NEDD4L: variants seen among roughly 807,000 people sequenced by gnomAD.
NEDD4L encodes the protein NEDD4 like E3 ubiquitin protein ligase, also known as E3 ubiquitin-protein ligase NEDD4-like.
NEDD4L carries 54 observed loss-of-function variants against 148.9 expected under a neutral mutation model. That is an observed-to-expected ratio of 0.36 (90% CI 0.29 to 0.45). The LOEUF (loss-of-function observed/expected upper bound fraction) is 0.45, where lower values mean the gene tolerates loss of function less well. Among genes scored for constraint, NEDD4L ranks in the 20% least tolerant of loss-of-function variants. NEDD4L has a pLI of 1.00. For synonymous variants in NEDD4L, 433 were observed against 440.7 expected (o/e 0.98, Z 0.22); for missense variants, 856 against 1,233.8 (o/e 0.69, Z 4.59).
chr18:58,319,359 T>C (rs926239481), intron 6 of NEDD4L, among the ~76,000 whole-genome samples: 13 of 152,170 alleles, frequency 8.5e-5, no homozygotes, highest in Non-Finnish European at 2.9e-5. Context: ...AGTGGTTGCA[T>C]ACAAGTTTCG....
At chr18:58,386,803 G>A (rs777565455) in intron 26 of NEDD4L, among the ~76,000 whole-genome samples, 12 of 152,158 alleles carry the variant, frequency 7.9e-5, no homozygotes, top group Non-Finnish European at 1.5e-4. Context: ...GAAACAGCTC[G>A]GGGCCTTAGG....
At chr18:58,357,048 G>T (rs902198474) in intron 18 of NEDD4L, 146 bp from the exon 19 acceptor site, 1 of 701,176 alleles carries the variant, frequency 1.4e-6, no homozygotes, top group Non-Finnish European at 2.4e-6. Flanking sequence ...TGCTAACTCT[G>T]AAATACTAAT....
chr18:58,378,218 G>A (rs1457509981), intron 24 of NEDD4L, among the ~76,000 whole-genome samples: 3 of 152,182 alleles, frequency 2.0e-5, no homozygotes, highest in African/African-American at 7.2e-5. Context: ...CATTGAAGTG[G>A]TTAGTGGCCC....
Position 58,208,818 on chromosome 18 carries a change from C to A in NEDD4L, c.123-36609C>A, listed in dbSNP as rs1472780009. On this transcript the variant is annotated intron_variant, in intron 2 of 30. Transcript: ENST00000400345. The stretch of plus-strand genomic sequence containing the variant: ...TGTATATCAAGCTGTGCTGAAAATA[C>A]TCCTCAGATATATTAGGCCACATTT... Among the ~76,000 whole-genome samples the A allele has an allele frequency of 3.3e-5, 5 of 152,302 alleles. No individual in the cohort carries two copies. In the South Asian group the frequency reaches 8.3e-4, roughly 25 times the overall value.
At position 58,202,820 on chromosome 18, in the gene NEDD4L, CATT is replaced by C. The variant is rs781589884; in HGVS notation, c.122+36960_122+36962del. ...GCCCTAGCTTTATTTATTTTCTCAT[CATT>C]GTTGTTAAGGGCCTATTGTGCTTGC... On this transcript the variant is annotated intron_variant, in intron 2 of 30. Transcript: ENST00000400345. Among the ~76,000 whole-genome samples, 18 of 152,278 alleles carry C rather than the reference CATT, an allele frequency of 1.2e-4. No homozygotes were observed. The Middle Eastern group carries it at 0.01, about 86-fold the overall frequency.
chr18:58,111,588 C>T (rs1378115032), intron 1 of NEDD4L, among the ~76,000 whole-genome samples: 2 of 152,136 alleles, frequency 1.3e-5, no homozygotes, highest in African/African-American at 2.4e-5. Context: ...CCAGGGTCAT[C>T]AATGTTATAG....
chr18:58,316,124 C>T, intron 6 of NEDD4L, 92 bp downstream of exon 6: 1 of 1,064,558 alleles, frequency 9.4e-7, no homozygotes, highest in South Asian at 1.4e-5. Context: ...CATTTCTTCA[C>T]CACGGTGAAG....
chr18:58,192,250 T>G (rs1211800980), intron 2 of NEDD4L, among the ~76,000 whole-genome samples: 1 of 152,224 alleles, frequency 6.6e-6, no homozygotes, highest in Non-Finnish European at 1.5e-5. Context: ...ACCATTAAAC[T>G]GTGTGACAAG....
intron 1 of NEDD4L, among the ~76,000 whole-genome samples, chr18:58,160,176 G>A (rs754754594): frequency 3.3e-5 from 5 of 152,218 alleles, no homozygotes; most frequent in African/African-American, 9.6e-5. Context: ...TATAGACTTT[G>A]TGGGTGGCTA....
chr18:58,097,715 A>C (rs1001556178), intron 1 of NEDD4L, among the ~76,000 whole-genome samples: 5 of 152,152 alleles, frequency 3.3e-5, no homozygotes, highest in Non-Finnish European at 7.4e-5. Flanking sequence ...AGGGGACTTA[A>C]AGGAAACAGT....
chr18:58,328,602 T>C (rs765754915), intron 9 of NEDD4L, among the ~76,000 whole-genome samples: 14 of 152,194 alleles, frequency 9.2e-5, no homozygotes, highest in Non-Finnish European at 1.9e-4. Context: ...GCTGGACTTC[T>C]AGAAGGATTG....
intron 16 of NEDD4L, among the ~76,000 whole-genome samples, chr18:58,346,371 T>C (rs2043075650): frequency 6.6e-6 from 1 of 152,212 alleles, no homozygotes; most frequent in South Asian, 2.1e-4. Context: ...GCAAATATTT[T>C]GAAATTCAAA....
At chr18:58,164,288 G>A (rs982986040) in intron 1 of NEDD4L, among the ~76,000 whole-genome samples, 1 of 152,134 alleles carries the variant, frequency 6.6e-6, no homozygotes, top group African/African-American at 2.4e-5. Context: ...TTTCTCACCT[G>A]TGATTGATCA....
intron 24 of NEDD4L, among the ~76,000 whole-genome samples, chr18:58,378,800 T>C (rs145313603): frequency 5.8e-4 from 88 of 152,286 alleles, no homozygotes; most frequent in African/African-American, 2.0e-3. Flanking sequence ...GCATATTCCA[T>C]ATGAGCCAAG....
At chr18:58,331,834 T>C (rs1438278688) in intron 11 of NEDD4L, among the ~76,000 whole-genome samples, 1 of 152,192 alleles carries the variant, frequency 6.6e-6, no homozygotes, top group Admixed American at 6.5e-5. Context: ...ACTCACAAAA[T>C]TGTTACTTTT....
At chr18:58,292,296 C>T (rs900881876) in intron 5 of NEDD4L, among the ~76,000 whole-genome samples, 3 of 152,134 alleles carry the variant, frequency 2.0e-5, no homozygotes, top group African/African-American at 7.2e-5. Flanking sequence ...CTGTGGCTTC[C>T]CCTTTCCCTC....
chr18:58,061,269 T>G (rs1307623865), intron 1 of NEDD4L, among the ~76,000 whole-genome samples: 2 of 152,218 alleles, frequency 1.3e-5, no homozygotes, highest in South Asian at 2.1e-4. Context: ...GCCAGTCATG[T>G]TAGATCATAA....
intron 1 of NEDD4L, among the ~76,000 whole-genome samples, chr18:58,082,220 G>A (rs1013111040): frequency 6.9e-6 from 1 of 144,650 alleles, no homozygotes; most frequent in African/African-American, 2.6e-5. Context: ...CAATTCTCCT[G>A]CCTCAGCCTC....
At chr18:58,159,062 T>C (rs1397102846) in intron 1 of NEDD4L, among the ~76,000 whole-genome samples, 1 of 151,482 alleles carries the variant, frequency 6.6e-6, no homozygotes, top group Admixed American at 6.6e-5. Context: ...TAGGAGGGGG[T>C]GGCAGCAATA....
Sources: gnomAD v4.1 joint callset for allele counts (sites outside exome capture counted in the v4.1 genomes callset) on GRCh38, gnomAD v4.1.1 for gene constraint, MANE v1.5 for transcripts, NCBI Gene and HGNC (gene_info 2026-07-23, HGNC 2026-07-21) for gene names.